Variants in SOX6 observed in about 807,000 individuals in gnomAD.
The protein encoded by SOX6 is SRY-box transcription factor 6, also known as transcription factor SOX-6.
SOX6 carries 11 observed loss-of-function variants against 97.8 expected under a neutral mutation model. The ratio of observed to expected loss-of-function variants is 0.11; its 90% CI spans 0.07 to 0.19. SOX6 has a LOEUF of 0.19. SOX6 is among the 10% of genes least tolerant of loss of function. The pLI is 1.00. For missense variants in SOX6, 810 were observed against 1,039.5 expected (o/e 0.78, Z 3.04); for synonymous variants, 360 against 371.4 (o/e 0.97, Z 0.35).
At chr11:16,465,192 T>C (rs1323873588) in intron 1 of SOX6, among the ~76,000 whole-genome samples, 1 of 152,166 alleles carries the variant, frequency 6.6e-6, no homozygotes, top group Non-Finnish European at 1.5e-5. Context: ...TTTCTCAGCC[T>C]TCTCCCAGAT....
intron 4 of SOX6, among the ~76,000 whole-genome samples, chr11:16,216,928 C>G (rs1164521660): frequency 2.0e-5 from 3 of 152,146 alleles, no homozygotes; most frequent in African/African-American, 7.2e-5. Flanking sequence ...GAGAAATTCA[C>G]AGTCAACTGT....
intron 9 of SOX6, among the ~76,000 whole-genome samples, chr11:16,080,850 G>A (rs938928710): frequency 5.9e-5 from 9 of 152,128 alleles, no homozygotes; most frequent in African/African-American, 2.2e-4. Flanking sequence ...TGAAGCCCCA[G>A]AAAGAGGCCC....
intron 12 of SOX6, among the ~76,000 whole-genome samples, chr11:16,019,431 G>A (rs1339191714): frequency 6.6e-6 from 1 of 151,872 alleles, no homozygotes; most frequent in Non-Finnish European, 1.5e-5. Flanking sequence ...TACAACTAAG[G>A]GGCCATTATC....
At chr11:16,510,153 A>G (rs1360474431) in intron 4 of SOX6, among the ~76,000 whole-genome samples, 1 of 152,078 alleles carries the variant, frequency 6.6e-6, no homozygotes, top group Non-Finnish European at 1.5e-5. Context: ...CTCAAAATTC[A>G]GAAGCTGTTA....
intron 3 of SOX6, chr11:16,317,696 T>A (rs1161339969): frequency 6.5e-6 from 1 of 153,264 alleles, no homozygotes; most frequent in African/African-American, 2.4e-5. Context: ...AAAGTCTCAA[T>A]TTAACTTGCA....
chr11:16,057,387 T>C (rs931317443), intron 9 of SOX6, among the ~76,000 whole-genome samples: 2 of 152,184 alleles, frequency 1.3e-5, no homozygotes, highest in Non-Finnish European at 2.9e-5. Context: ...CCTCATATTT[T>C]GTTTTCATAA....
intron 4 of SOX6, among the ~76,000 whole-genome samples, chr11:16,596,086 C>T (rs1848210380): frequency 6.6e-6 from 1 of 152,104 alleles, no homozygotes; most frequent in Admixed American, 6.5e-5. Context: ...ATAAGGGAAA[C>T]AGAAATAACA....
intron 1 of SOX6, among the ~76,000 whole-genome samples, chr11:16,372,893 A>G (rs974316826): frequency 2.2e-4 from 33 of 152,092 alleles, no homozygotes; most frequent in Admixed American, 1.8e-3. Context: ...ATCCCTGCCC[A>G]TCACTAGGAA....
intron 3 of SOX6, among the ~76,000 whole-genome samples, chr11:16,255,729 G>C (rs189058220): frequency 1.9e-3 from 291 of 150,502 alleles, no homozygotes; most frequent in Non-Finnish European, 3.2e-3. Flanking sequence ...ATGAAAACTA[G>C]ACCTGAAGTC....
At chr11:16,555,163 G>A (rs1412111742) in intron 4 of SOX6, among the ~76,000 whole-genome samples, 1 of 151,698 alleles carries the variant, frequency 6.6e-6, no homozygotes, top group Non-Finnish European at 1.5e-5. Context: ...CAAACAAACA[G>A]AATCTGTGGC....
At chr11:16,108,959 G>C (rs969130392) in intron 7 of SOX6, among the ~76,000 whole-genome samples, 2 of 151,854 alleles carry the variant, frequency 1.3e-5, no homozygotes, top group East Asian at 1.9e-4. Flanking sequence ...TGGAAATTAA[G>C]ATAATTATTC....
intron 4 of SOX6, among the ~76,000 whole-genome samples, chr11:16,538,680 C>A (rs1371037862): frequency 3.3e-5 from 5 of 152,094 alleles, no homozygotes; most frequent in African/African-American, 7.2e-5. Flanking sequence ...CAATCCTAGT[C>A]TCTGATAAAA....
chr11:16,499,107 T>C (rs1860658992), intron 4 of SOX6, among the ~76,000 whole-genome samples: 1 of 152,126 alleles, frequency 6.6e-6, no homozygotes, highest in African/African-American at 2.4e-5. Context: ...TAACAAACTG[T>C]CTCTCAGACC....
At chr11:16,456,061 G>T (rs369489243) in intron 1 of SOX6, among the ~76,000 whole-genome samples, 1 of 151,982 alleles carries the variant, frequency 6.6e-6, no homozygotes, top group African/African-American at 2.4e-5. Context: ...TCAAGATGTC[G>T]ATTTATTGTA....
intron 4 of SOX6, among the ~76,000 whole-genome samples, chr11:16,229,071 C>T (rs566689028): frequency 1.4e-4 from 22 of 152,230 alleles, no homozygotes; most frequent in African/African-American, 4.8e-4. Context: ...CTTGACTCTC[C>T]TAGCACCTAC....
At chr11:16,492,680 T>C (rs1454286280) in intron 4 of SOX6, among the ~76,000 whole-genome samples, 1 of 152,192 alleles carries the variant, frequency 6.6e-6, no homozygotes, top group Non-Finnish European at 1.5e-5. Context: ...AAGCTATCAG[T>C]ACCCTAGTCC....
chr11:16,561,009 G>A (rs972795445), intron 4 of SOX6, among the ~76,000 whole-genome samples: 2 of 151,948 alleles, frequency 1.3e-5, no homozygotes, highest in African/African-American at 4.8e-5. Context: ...ACTACACATT[G>A]GATACAGGGT....
chr11:16,567,209 C>T (rs960227277), intron 4 of SOX6: 2 of 152,384 alleles, frequency 1.3e-5, no homozygotes, highest in African/African-American at 2.4e-5. Flanking sequence ...AAGAGCAGCA[C>T]ACATTCATAA....
chr11:16,628,705 G>C (rs1209991143), intron 3 of SOX6, among the ~76,000 whole-genome samples: 1 of 152,006 alleles, frequency 6.6e-6, no homozygotes, highest in East Asian at 1.9e-4. Flanking sequence ...TCTGTAGGTT[G>C]CTTTGAGCAG....
Sources: allele counts gnomAD v4.1 joint callset (sites outside exome capture counted in the v4.1 genomes callset), GRCh38; gene constraint gnomAD v4.1.1; transcripts MANE v1.5; gene names NCBI Gene and HGNC (gene_info 2026-07-23, HGNC 2026-07-21).